The following DMD variants were observed in gnomAD, a reference collection of about 807,000 sequenced individuals.
DMD encodes the protein dystrophin, also known as mutant dystrophin.
In DMD, 63 loss-of-function variants were observed where a neutral mutation model predicts 330.1. The observed-to-expected ratio is 0.19, with a 90% confidence interval of 0.16 to 0.24. The LOEUF (loss-of-function observed/expected upper bound fraction) is 0.24, where lower values mean the gene tolerates loss of function less well. Ranked by LOEUF, DMD falls within the 10% of genes least tolerant of loss-of-function variation. The probability of loss-of-function intolerance (pLI) is 1.00; values close to 1 mark genes in which losing one functional copy is unlikely to be tolerated. For missense variants in DMD, 3,344 were observed against 2,684.1 expected (o/e 1.25, Z -5.43); for synonymous variants, 1,223 against 959.8 (o/e 1.27, Z -5.07).
intron 78 of DMD, 50 bp downstream of exon 78, chrX:31,126,592 G>A: frequency 9.0e-7 from 1 of 1,113,913 alleles, no homozygotes; most frequent in Non-Finnish European, 1.2e-6. Flanking sequence ...AACATAAAAA[G>A]CAGGATGAGA....
intron 44 of DMD, among the ~76,000 whole-genome samples, chrX:32,039,733 G>A (rs753083952): frequency 2.7e-5 from 3 of 111,735 alleles, no homozygotes. Context: ...TCCTGAAATA[G>A]ATCTCAAAAT....
chrX:31,459,667 T>A (rs1227647850), intron 59 of DMD, among the ~76,000 whole-genome samples: 7 of 112,119 alleles, frequency 6.2e-5, no homozygotes, highest in African/African-American at 2.3e-4. Flanking sequence ...TAAAAATCAA[T>A]TCCTTAAAAG....
chrX:31,268,463 A>G (rs1404402798), intron 62 of DMD, among the ~76,000 whole-genome samples: 1 of 112,287 alleles, frequency 8.9e-6, no homozygotes, highest in African/African-American at 3.2e-5. Flanking sequence ...ATTCTGGCTC[A>G]TACACTGAGA....
At chrX:32,939,136 G>A (rs1376082774) in intron 2 of DMD, among the ~76,000 whole-genome samples, 4 of 107,788 alleles carry the variant, frequency 3.7e-5, no homozygotes, top group Middle Eastern at 9.9e-3. Flanking sequence ...CTGTCACTTC[G>A]CTAATACTTC....
chrX:32,178,940 TTCTCTCTC>T (rs528690053), intron 44 of DMD, among the ~76,000 whole-genome samples: 13,484 of 68,456 alleles, frequency 0.2, 1,019 homozygotes, highest in Admixed American at 0.29. Context: ...AAACCCCAGA[TTCTCTCTC>T]TCTCTCTCTC....
At chrX:31,478,795 A>G (rs1250758771) in intron 58 of DMD, among the ~76,000 whole-genome samples, 188 bp downstream of exon 58, 1 of 112,110 alleles carries the variant, frequency 8.9e-6, no homozygotes, top group East Asian at 2.8e-4. Flanking sequence ...ATGAATGCAC[A>G]AACTGATTTA....
intron 55 of DMD, among the ~76,000 whole-genome samples, chrX:31,556,256 G>T (rs775417973): frequency 1.9e-3 from 202 of 105,969 alleles, no homozygotes; most frequent in Non-Finnish European, 2.9e-3. Context: ...GGTACCAGCT[G>T]CTCGGGAGGC....
chrX:33,267,773 A>C (rs901112272), intron 1 of DMD, among the ~76,000 whole-genome samples: 2 of 111,106 alleles, frequency 1.8e-5, no homozygotes, highest in African/African-American at 6.5e-5. Flanking sequence ...CCAGCCTTCG[A>C]CAAGGCTGGC....
At chrX:32,530,829 T>C (rs1459725406) in intron 17 of DMD, among the ~76,000 whole-genome samples, 1 of 112,274 alleles carries the variant, frequency 8.9e-6, no homozygotes, top group African/African-American at 3.2e-5. Context: ...AGAAATATTC[T>C]CTTAAATGAT....
intron 7 of DMD, among the ~76,000 whole-genome samples, chrX:32,743,881 A>C (rs998121154): frequency 9.0e-6 from 1 of 111,386 alleles, no homozygotes; most frequent in Non-Finnish European, 1.9e-5. Context: ...ATGAAAATAG[A>C]CATTGTGTTT....
chrX:31,701,557 C>T (rs2083811651), intron 52 of DMD, among the ~76,000 whole-genome samples: 1 of 111,882 alleles, frequency 8.9e-6, no homozygotes, highest in Non-Finnish European at 1.9e-5. Context: ...GTGATTCCAT[C>T]TTTTACCCCT....
chrX:32,344,766 C>T (rs1376479149), intron 39 of DMD, among the ~76,000 whole-genome samples: 1 of 111,622 alleles, frequency 9.0e-6, no homozygotes, highest in Non-Finnish European at 1.9e-5. Flanking sequence ...TTAAACACTG[C>T]TATTCAGTAG....
chrX:33,000,140 T>C (rs1489424905), intron 2 of DMD, among the ~76,000 whole-genome samples: 1 of 112,053 alleles, frequency 8.9e-6, no homozygotes, highest in Non-Finnish European at 1.9e-5. Context: ...TTTGGAGTAT[T>C]GAAAGGAGTT....
At chrX:31,621,862 GGT>G (rs1253046530) in intron 55 of DMD, among the ~76,000 whole-genome samples, 28 of 111,812 alleles carry the variant, frequency 2.5e-4, no homozygotes, top group African/African-American at 9.1e-4. Context: ...CTTTGGATAT[GGT>G]GTTTCCTCTA....
intron 44 of DMD, among the ~76,000 whole-genome samples, chrX:32,084,612 G>A (rs1002337508): frequency 9.0e-6 from 1 of 111,441 alleles, no homozygotes; most frequent in African/African-American, 3.3e-5. Flanking sequence ...GATAGATGAT[G>A]GTGCCAAATT....
intron 2 of DMD, among the ~76,000 whole-genome samples, chrX:32,920,642 GTTCATTTA>G (rs1203179967): frequency 8.9e-6 from 1 of 112,016 alleles, no homozygotes; most frequent in Non-Finnish European, 1.9e-5. Context: ...AGATGTGTAT[GTTCATTTA>G]TTCCTTCCGC....
At chrX:31,319,474 T>C (rs2056272579) in intron 62 of DMD, among the ~76,000 whole-genome samples, 1 of 112,493 alleles carries the variant, frequency 8.9e-6, no homozygotes, top group South Asian at 3.7e-4. Flanking sequence ...AGTCGGTACA[T>C]TTATGGAACA....
intron 59 of DMD, among the ~76,000 whole-genome samples, chrX:31,453,841 ATAG>A (rs2149125956): frequency 9.2e-6 from 1 of 109,107 alleles, no homozygotes; most frequent in African/African-American, 3.3e-5. Flanking sequence ...AAATAAAAAG[ATAG>A]TTCATGAGTG....
intron 59 of DMD, among the ~76,000 whole-genome samples, chrX:31,459,730 G>A (rs1029733680): frequency 8.9e-6 from 1 of 112,003 alleles, no homozygotes; most frequent in Non-Finnish European, 1.9e-5. Flanking sequence ...CTGGTTAAGA[G>A]AATTTGGCGT....
Sources: allele counts gnomAD v4.1 joint callset (sites outside exome capture counted in the v4.1 genomes callset), GRCh38; gene constraint gnomAD v4.1.1; transcripts MANE v1.5; gene names NCBI Gene and HGNC (gene_info 2026-07-23, HGNC 2026-07-21).